Variants in MYH10 observed in about 807,000 individuals in gnomAD.
MYH10 encodes the protein myosin heavy chain 10.
MYH10 carries 55 observed loss-of-function variants against 257.8 expected under a neutral mutation model. The observed-to-expected ratio is 0.21, with a 90% CI of 0.17 to 0.27. The LOEUF (loss-of-function observed/expected upper bound fraction) is 0.27. Among genes scored for constraint, MYH10 ranks in the 10% least tolerant of loss-of-function variants. MYH10 has a pLI of 1.00. For synonymous variants in MYH10, 854 were observed against 921.7 expected (o/e 0.93, Z 1.33); for missense variants, 1,631 against 2,500.6 (o/e 0.65, Z 7.42).
intron 3 of MYH10, among the ~76,000 whole-genome samples, chr17:8,590,872 C>CT (rs1567949503): frequency 1.4e-4 from 2 of 14,284 alleles, no homozygotes; most frequent in African/African-American, 2.9e-4. Context: ...CTCAATGTCG[C>CT]CTTTTTTTTT....
At position 8,504,182 on chromosome 17, in the gene MYH10, C is replaced by T. The variant is rs1467552530; in HGVS notation, c.3599+512G>A. 1.3e-5 allele frequency among the ~76,000 whole-genome samples: 2 copies of T among 152,182 alleles called. No homozygotes were observed. Among genetic ancestry groups the T allele is most frequent in the African/African-American group, 2.4e-5 (1 of 41,436 alleles). ...CTGCTGGCTCATGATGCTGCATATG[C>T]CTCTGCCCACTGCACACTCTGTCCC... On this transcript the variant is annotated intron_variant, in intron 28 of 42. Transcript: ENST00000360416. This position sits in a 1 kb window ranked among gnomAD's most constrained non-coding sequence, Gnocchi z 5.6.
chr17:8,567,596 G>A (rs1252910617), intron 7 of MYH10, among the ~76,000 whole-genome samples: 2 of 152,100 alleles, frequency 1.3e-5, no homozygotes, highest in African/African-American at 2.4e-5. Flanking sequence ...TCATTAGGGT[G>A]CACCCTACTT....
At chr17:8,501,856 A>C (rs761126946) in intron 28 of MYH10, among the ~76,000 whole-genome samples, 2 of 152,204 alleles carry the variant, frequency 1.3e-5, no homozygotes, top group Non-Finnish European at 2.9e-5. Flanking sequence ...TAATATTTTT[A>C]AAATTGGCTG....
At chr17:8,566,850 G>A (rs892570127) in intron 7 of MYH10, among the ~76,000 whole-genome samples, 8 of 152,104 alleles carry the variant, frequency 5.3e-5, no homozygotes, top group African/African-American at 1.7e-4. Context: ...CTTACACTTC[G>A]TAACAGAACC....
At chr17:8,484,854 A>C (rs1229816520) in intron 36 of MYH10, among the ~76,000 whole-genome samples, 2 of 152,240 alleles carry the variant, frequency 1.3e-5, no homozygotes, top group Non-Finnish European at 2.9e-5. Flanking sequence ...ATCATACTTA[A>C]GGATCAATGA....
rs763509845 is a variant in MYH10, at chr17:8,521,151, T to C, written c.2092A>G (p.Thr698Ala). The change falls in exon 18 of 43, where the codon ACT (threonine) becomes GCT (alanine). Residue 698 changes from threonine (T) to alanine (A), a missense_variant. Thr to Ala is a moderately conservative substitution (Grantham distance 58). Coordinates refer to ENST00000360416, the MANE Select transcript of MYH10 (RefSeq NM_001256012.3). Reference protein sequence around the residue: ...YKESLTKLMATLRNTNPNFVR... With the variant: ...YKESLTKLMAALRNTNPNFVR... ...AAGTTAGGGTTGGTGTTTCGGAGAG[T>C]TGCCATCAGCTTGGTGAGAGATTCT... 8 of 1,614,136 alleles carry C rather than the reference T, an allele frequency of 5.0e-6. No individual in the cohort carries two copies. The highest frequency in any genetic ancestry group is 2.2e-5 in the East Asian group (1 of 44,890).
chr17:8,618,250 T>A (rs2085338998), intron 2 of MYH10, among the ~76,000 whole-genome samples: 1 of 129,716 alleles, frequency 7.7e-6, no homozygotes, highest in Non-Finnish European at 1.6e-5. Flanking sequence ...TTTCCTTTTT[T>A]CTTTTTTTTT....
chr17:8,512,341 C>T (rs2081326352), intron 24 of MYH10, 110 bp downstream of exon 24: 6 of 810,652 alleles, frequency 7.4e-6, no homozygotes, highest in Admixed American at 2.9e-5. Flanking sequence ...TAACCCAGAA[C>T]CCTTTTGCTT....
intron 13 of MYH10, among the ~76,000 whole-genome samples, chr17:8,544,375 CTGTT>C (rs999797408): frequency 6.6e-6 from 1 of 151,948 alleles, no homozygotes; most frequent in African/African-American, 2.4e-5. Context: ...GGTGTTTTGT[CTGTT>C]TGTTGCAGTT....
intron 4 of MYH10, among the ~76,000 whole-genome samples, chr17:8,577,678 C>T (rs1387701649): frequency 2.6e-5 from 4 of 152,172 alleles, no homozygotes; most frequent in African/African-American, 9.7e-5. Context: ...ATTACATGCA[C>T]ACACCACCAT....
At chr17:8,542,019 G>C in intron 14 of MYH10, 88 bp downstream of exon 14, 1 of 1,308,060 alleles carries the variant, frequency 7.6e-7, no homozygotes, top group Non-Finnish European at 1.0e-6. Flanking sequence ...CCACTGAACA[G>C]ACTGGGTAAT....
rs531680490 is a variant in MYH10 at position 8,547,371 on chromosome 17, C to T, written c.1160-709G>A. On this transcript the variant is annotated intron_variant, in intron 11 of 42. Coordinates refer to ENST00000360416, the MANE Select transcript of MYH10 (RefSeq NM_001256012.3). ...GCCATACGGAGGATGGAGGCCCAAC[C>T]GCCAATCAAACTACTTTGACTGAAT... Among the ~76,000 whole-genome samples, 34 of 152,160 alleles carry T rather than the reference C, an allele frequency of 2.2e-4. 1 individual carries two copies. The South Asian group carries it at 5.6e-3, about 25-fold the overall frequency.
chr17:8,520,826 A>C lies in MYH10; in HGVS notation c.2273+52T>G, dbSNP rs568817814. The stretch of plus-strand genomic sequence containing the variant: ...CCTTATTTTATCACTGTTTTAATTC[A>C]TATCAAGATAAACTCTGATACATAA... On this transcript the variant is annotated intron_variant, in intron 19 of 42. Coordinates refer to ENST00000360416, the MANE Select transcript of MYH10 (RefSeq NM_001256012.3). The C allele has an allele frequency of 3.3e-6, 5 of 1,528,620 alleles. No individual in the cohort carries two copies. The South Asian group carries it at 5.0e-5, about 15-fold the overall frequency. The allele number at this position is 1,528,620 out of a possible 1,614,324, so 94.7% of individuals were successfully genotyped here.
At chr17:8,513,508 A>T (rs2081365348) in intron 23 of MYH10, 30 bp downstream of exon 23, 3 of 1,612,628 alleles carry the variant, frequency 1.9e-6, no homozygotes, top group Non-Finnish European at 2.5e-6. Context: ...ATTCAGGGCC[A>T]AGTGTGAGTT....
intron 3 of MYH10, among the ~76,000 whole-genome samples, chr17:8,592,255 AG>A (rs1242156949): frequency 4.6e-5 from 7 of 152,220 alleles, no homozygotes; most frequent in African/African-American, 1.7e-4. Context: ...AATAAAAACT[AG>A]AAAAGAGCAA....
rs8082298 is a variant in MYH10, at chr17:8,520,270, C to G, written c.2273+608G>C. On this transcript the variant is annotated intron_variant, in intron 19 of 42. Transcript: ENST00000360416. ...ATCCCAGCACTTTGGGAGGCCGAGG[C>G]GGGATCACGAGGTCAGGAGATCGAG... 7.7e-3 allele frequency among the ~76,000 whole-genome samples: 1,179 copies of G among 152,170 alleles called. 11 individuals are homozygous for G. The highest frequency in any genetic ancestry group is 0.027 in the African/African-American group (1,137 of 41,520).
At position 8,545,708 on chromosome 17, in the gene MYH10, G is replaced by A. The variant is rs2082422492; in HGVS notation, c.1279-108C>T. Reference sequence around the variant, plus strand: ...TACAGCACTCAAAAAACCTGAGATGGCATTCACTGCTTAATCATGTCTCAA... The same window carrying A: ...TACAGCACTCAAAAAACCTGAGATGACATTCACTGCTTAATCATGTCTCAA... On this transcript the variant is annotated intron_variant, in intron 12 of 42. Coordinates refer to ENST00000360416, the MANE Select transcript of MYH10 (RefSeq NM_001256012.3). The surrounding 1 kb of genome is among the most constrained non-coding windows in gnomAD (Gnocchi z 4.7). 2.0e-6 allele frequency: 2 copies of A among 996,314 alleles called. No homozygotes were observed. The highest frequency in any genetic ancestry group is 2.9e-6 in the Non-Finnish European group (2 of 687,244). 61.7% of individuals were successfully genotyped at this position (996,314 alleles called of 1,614,324 possible). A position where few individuals can be genotyped will look rare whatever the true frequency, so the allele number is the denominator to read the frequency against.
chr17:8,502,480 T>TTTGTGTGTGTG (rs112732919), intron 28 of MYH10, among the ~76,000 whole-genome samples: 3 of 150,260 alleles, frequency 2.0e-5, no homozygotes, highest in East Asian at 2.0e-4. Context: ...GGGAAAATAG[T>TTTGTGTGTGTG]TGTGTGTGTG....
chr17:8,477,032 G>A lies in MYH10; in HGVS notation c.5723C>T (p.Ala1908Val), dbSNP rs2151760305. 6.2e-7 allele frequency: 1 copy of A among 1,614,100 alleles called. No individual in the cohort carries two copies. The highest frequency in any genetic ancestry group is 2.2e-5 in the East Asian group (1 of 44,878). Reference protein sequence around the residue: ...QYKEQMEKANARMKQLKRQLE... With the variant: ...QYKEQMEKANVRMKQLKRQLE... The stretch of plus-strand genomic sequence containing the variant: ...CTGGCGTTTAAGCTGCTTCATCCGA[G>A]CGTTGGCCTTCTCCATCTTGGGGAG... The change falls in exon 42 of 43, where the codon GCT becomes GTT. Residue 1908 changes from alanine to valine, a missense_variant. Ala to Val is a moderately conservative substitution (Grantham distance 64). Coordinates refer to ENST00000360416, the MANE Select transcript of MYH10 (RefSeq NM_001256012.3). This position sits in a 1 kb window ranked among gnomAD's most constrained non-coding sequence, Gnocchi z 4.2.
Sources: gnomAD v4.1 joint callset for allele counts (sites outside exome capture counted in the v4.1 genomes callset) on GRCh38, gnomAD v4.1.1 for gene constraint, Gnocchi (gnomAD v3.1) non-coding constraint, MANE v1.5 for transcripts, NCBI Gene and HGNC (gene_info 2026-07-23, HGNC 2026-07-21) for gene names.